WDTC1: variants seen among roughly 807,000 people sequenced by gnomAD.
WDTC1 encodes WD and tetratricopeptide repeats 1.
A neutral mutation model predicts 76.0 loss-of-function variants in WDTC1; 12 were observed. The ratio of observed to expected loss-of-function variants is 0.16; its 90% CI spans 0.10 to 0.26. The LOEUF (loss-of-function observed/expected upper bound fraction) is 0.26. Ranked by LOEUF, WDTC1 falls within the 10% of genes least tolerant of loss-of-function variation. The probability of loss-of-function intolerance (pLI) is 1.00; values close to 1 mark genes in which losing one functional copy is unlikely to be tolerated. For synonymous variants in WDTC1, 326 were observed against 350.8 expected, an observed-to-expected ratio of 0.93 and a Z score of 0.79; for missense variants, 511 against 908.8, an observed-to-expected ratio of 0.56 and a Z score of 5.63.
chr1:27,243,360 C>T (rs1388751856), intron 1 of WDTC1, among the ~76,000 whole-genome samples: 1 of 151,928 alleles, frequency 6.6e-6, no homozygotes, highest in Non-Finnish European at 1.5e-5. Context: ...TTACAGGCGC[C>T]TGCCACCATG....
intron 6 of WDTC1, among the ~76,000 whole-genome samples, chr1:27,290,559 T>C (rs1476541185): frequency 6.6e-6 from 1 of 152,202 alleles, no homozygotes; most frequent in African/African-American, 2.4e-5. Flanking sequence ...AGTTGGTCAG[T>C]GGCTATATAC....
chr1:27,270,315 G>A (rs2012829473), intron 3 of WDTC1, among the ~76,000 whole-genome samples: 1 of 152,150 alleles, frequency 6.6e-6, no homozygotes, highest in Admixed American at 6.6e-5. Flanking sequence ...CCAGTTAAGA[G>A]GTTATGACAG....
At chr1:27,283,609 A>G (rs1417280085) in intron 5 of WDTC1, among the ~76,000 whole-genome samples, 160 bp downstream of exon 5, 1 of 152,132 alleles carries the variant, frequency 6.6e-6, no homozygotes, top group Non-Finnish European at 1.5e-5. Context: ...CTGAAACCTC[A>G]TTTCTCTTCC....
chr1:27,306,322 G>A lies in WDTC1; in HGVS notation c.1973G>A (p.Gly658Asp), dbSNP rs1570992834. 1.2e-6 allele frequency: 2 copies of A among 1,614,006 alleles called. No homozygotes were observed. The highest frequency in any genetic ancestry group is 1.7e-6 in the Non-Finnish European group (2 of 1,180,012). ...GYRITGLSSG[G>D]AGASDDEDSS... ...CGGATCACGGGCCTGAGCAGTGGGG[G>A]TGCCGGGGCCTCTGATGATGAGGAC... is the stretch of plus-strand genomic sequence containing the variant. The change falls in exon 16 of 16, where the codon GGT becomes GAT. Residue 658 changes from glycine (G) to aspartate (D), a missense_variant. Coordinates refer to ENST00000319394, the MANE Select transcript of WDTC1 (RefSeq NM_001276252.2). The surrounding 1 kb of genome is among the most constrained non-coding windows in gnomAD (Gnocchi z 5.0).
rs2014013259 is a variant in WDTC1, at chr1:27,308,596, AT to A, written c.*2214del. ...GTGTGTGTATATATATATAAAAAAA[AT>A]GAACAAAAGTTTTACACAATAATAT... is the stretch of plus-strand genomic sequence containing the variant. On this transcript the variant is annotated 3_prime_UTR_variant, in exon 16 of 16. Transcript: ENST00000319394. 2 of 152,242 alleles carry A rather than the reference AT, an allele frequency of 1.3e-5. No individual in the cohort carries two copies. The highest frequency in any genetic ancestry group is 2.4e-5 in the African/African-American group (1 of 41,468). 9.4% of individuals were successfully genotyped at this position (152,242 alleles called of 1,614,324 possible).
At chr1:27,284,409 C>T (rs1054258018) in intron 5 of WDTC1, among the ~76,000 whole-genome samples, 2 of 152,142 alleles carry the variant, frequency 1.3e-5, no homozygotes, top group African/African-American at 2.4e-5. Flanking sequence ...GAAATATTTT[C>T]GTAATTAATA....
intron 7 of WDTC1, 97 bp from the exon 8 acceptor site, chr1:27,293,925 C>G: frequency 8.5e-7 from 1 of 1,180,288 alleles, no homozygotes; most frequent in Non-Finnish European, 1.2e-6. Context: ...TCCTGTATGT[C>G]TCAGATACAA....
Position 27,301,572 on chromosome 1 carries a change from A to T in WDTC1, c.1468+111A>T. 8.0e-7 allele frequency: 1 copy of T among 1,248,980 alleles called. No individual in the cohort carries two copies. The highest frequency in any genetic ancestry group is 1.1e-6 in the Non-Finnish European group (1 of 899,716). 77.4% of individuals were successfully genotyped at this position (1,248,980 alleles called of 1,614,324 possible). On this transcript the variant is annotated intron_variant, in intron 13 of 15. Coordinates refer to ENST00000319394, the MANE Select transcript of WDTC1 (RefSeq NM_001276252.2). The surrounding 1 kb of genome is among the most constrained non-coding windows in gnomAD (Gnocchi z 5.8). ...TGGAGAGGCCTGGGTTCAGATGTTG[A>T]TTCAGAAACCATGCAACTTTGGGGC...
intron 1 of WDTC1, among the ~76,000 whole-genome samples, chr1:27,250,736 G>A (rs1231005043): frequency 6.6e-6 from 1 of 151,954 alleles, no homozygotes; most frequent in Non-Finnish European, 1.5e-5. Flanking sequence ...TCAATTCTTG[G>A]TTCTAGATGA....
intron 1 of WDTC1, among the ~76,000 whole-genome samples, chr1:27,244,566 G>C (rs1368404568): frequency 6.6e-6 from 1 of 152,052 alleles, no homozygotes. Context: ...GACTGCTCTC[G>C]ACCTCCCGGC....
intron 5 of WDTC1, 97 bp from the exon 6 acceptor site, chr1:27,287,577 C>A: frequency 1.5e-6 from 2 of 1,357,112 alleles, no homozygotes; most frequent in Non-Finnish European, 1.0e-6. Context: ...TCTTATCTGA[C>A]ATGGAGAGAG....
At chr1:27,251,033 ATTTTTTTTTT>A (rs71584875) in intron 1 of WDTC1, among the ~76,000 whole-genome samples, 36 of 28,686 alleles carry the variant, frequency 1.3e-3, no homozygotes, top group South Asian at 6.0e-3. Flanking sequence ...CTCCTGGCTA[ATTTTTTTTTT>A]TTTTTTTTTT....
chr1:27,290,133 G>C (rs551348698), intron 6 of WDTC1, among the ~76,000 whole-genome samples: 3 of 152,288 alleles, frequency 2.0e-5, no homozygotes, highest in Non-Finnish European at 4.4e-5. Flanking sequence ...CGAGGTTGGA[G>C]TGCAGTGGCG....
chr1:27,235,677 G>A (rs2011479489), intron 1 of WDTC1, among the ~76,000 whole-genome samples: 1 of 152,052 alleles, frequency 6.6e-6, no homozygotes, highest in Non-Finnish European at 1.5e-5. Flanking sequence ...GGTTGACTTT[G>A]CTTGGTGGCT....
At chr1:27,300,051 A>G (rs1218573920) in intron 12 of WDTC1, among the ~76,000 whole-genome samples, 1 of 152,126 alleles carries the variant, frequency 6.6e-6, no homozygotes, top group Non-Finnish European at 1.5e-5. Context: ...AGAGCCACTC[A>G]TCCTGACGCA....
rs546307877 is a variant in WDTC1 at position 27,235,700 on chromosome 1, C to G, written c.-100+749C>G. 2.0e-5 allele frequency among the ~76,000 whole-genome samples: 3 copies of G among 152,180 alleles called. No individual in the cohort carries two copies. In the South Asian group the frequency reaches 6.2e-4, roughly 32 times the overall value. On this transcript the variant is annotated intron_variant, in intron 1 of 15. Coordinates refer to ENST00000319394, the MANE Select transcript of WDTC1 (RefSeq NM_001276252.2). Reference sequence around the variant, plus strand: ...TTGCTTGGTGGCTTGGGCTCTCTCTCCTCTGCGGGTGTACTCCCAGGGTTT... The same window carrying G: ...TTGCTTGGTGGCTTGGGCTCTCTCTGCTCTGCGGGTGTACTCCCAGGGTTT...
intron 3 of WDTC1, among the ~76,000 whole-genome samples, chr1:27,275,933 A>G (rs1317303277): frequency 3.3e-5 from 5 of 152,298 alleles, no homozygotes; most frequent in Admixed American, 2.0e-4. Flanking sequence ...AGAAACCACT[A>G]ATCTATTTTC....
At position 27,287,714 on chromosome 1, in the gene WDTC1, C is replaced by T; in HGVS notation, c.332C>T (p.Ala111Val). Reference sequence around the variant, plus strand: ...GGGGACCGCATCTTGATCACGGGGGCAGCCGACTCTAAGGTGCATGTGCAC... The same window carrying T: ...GGGGACCGCATCTTGATCACGGGGGTAGCCGACTCTAAGGTGCATGTGCAC... ...HAGDRILITG[A>V]ADSKVHVHDL... Residue 111 changes from alanine (A) to valine (V), a missense_variant, in exon 6 of 16, where the codon GCA becomes GTA. Coordinates refer to ENST00000319394, the MANE Select transcript of WDTC1 (RefSeq NM_001276252.2). 6.2e-7 allele frequency: 1 copy of T among 1,614,026 alleles called. No homozygotes were observed. Among genetic ancestry groups the T allele is most frequent in the Non-Finnish European group, 8.5e-7 (1 of 1,179,976 alleles).
At chr1:27,291,011 G>C (rs1465206303) in intron 6 of WDTC1, among the ~76,000 whole-genome samples, 1 of 152,170 alleles carries the variant, frequency 6.6e-6, no homozygotes, top group Non-Finnish European at 1.5e-5. Context: ...ACCAGATTTT[G>C]CCAGGGCCAG....
Sources: gnomAD v4.1 joint callset for allele counts (sites outside exome capture counted in the v4.1 genomes callset) on GRCh38, gnomAD v4.1.1 for gene constraint, Gnocchi (gnomAD v3.1) non-coding constraint, MANE v1.5 for transcripts, NCBI Gene and HGNC (gene_info 2026-07-23, HGNC 2026-07-21) for gene names.